LMTK3: variants seen among roughly 807,000 people sequenced by gnomAD.
LMTK3 encodes the protein lemur tail kinase 3.
Under a neutral mutation model 116.7 loss-of-function variants are expected in LMTK3, and 27 were observed. The ratio of observed to expected loss-of-function variants is 0.23; its 90% CI spans 0.17 to 0.32. LMTK3 has a LOEUF of 0.32. Ranked by LOEUF, LMTK3 falls within the 10% of genes least tolerant of loss-of-function variation. The pLI, the probability that LMTK3 is intolerant of heterozygous loss-of-function variation, is 1.00. For synonymous variants in LMTK3, 965 were observed against 971.0 expected, an observed-to-expected ratio of 0.99 and a Z score of 0.11; for missense variants, 1,764 against 2,068.5, an observed-to-expected ratio of 0.85 and a Z score of 2.86.
Position 48,503,003 on chromosome 19 carries a change from A to C in LMTK3, c.558-7T>G, listed in dbSNP as rs747960169. The C allele has an allele frequency of 5.0e-6, 8 of 1,602,292 alleles. No individual in the cohort carries two copies. The South Asian group carries it at 8.9e-5, about 18-fold the overall frequency. ...ATTGGGGTGCTGCAGGCTCCTGTGG[A>C]GTGAGGAGGTGGCTGAGTTGGGAAG... On this transcript the variant is annotated splice_region_variant and splice_polypyrimidine_tract_variant and intron_variant, in intron 5 of 14. Transcript: ENST00000600059.
At chr19:48,502,763 C>G (rs767941895) in intron 6 of LMTK3, 146 bp downstream of exon 6, 7 of 844,578 alleles carry the variant, frequency 8.3e-6, no homozygotes, top group Non-Finnish European at 1.3e-5. Context: ...GCCCCCAGGA[C>G]AGGCAGCACT....
intron 5 of LMTK3, among the ~76,000 whole-genome samples, chr19:48,507,093 T>G (rs1420603176): frequency 2.0e-5 from 3 of 152,178 alleles, no homozygotes; most frequent in African/African-American, 7.2e-5. Context: ...AAAGTGTTCA[T>G]GAAGCTCCTG....
In LMTK3 at chr19:48,499,291, C is replaced by A; in HGVS notation, c.1778G>T (p.Arg593Leu). 7.1e-7 allele frequency: 1 copy of A among 1,408,902 alleles called. No homozygotes were observed. The highest frequency in any genetic ancestry group is 9.3e-7 in the Non-Finnish European group (1 of 1,081,022). The allele number at this position is 1,408,902 out of a possible 1,614,324, so 87.3% of individuals were successfully genotyped here. A position where few individuals can be genotyped will look rare whatever the true frequency, so the allele number is the denominator to read the frequency against. The change falls in exon 11 of 15, where the codon CGG (arginine) becomes CTG (leucine). Residue 593 changes from arginine to leucine, a missense_variant. Physicochemically the swap from Arg to Leu is moderately radical, Grantham distance 102. Coordinates refer to ENST00000600059, the MANE Select transcript of LMTK3 (RefSeq NM_001388485.1). Reference sequence around the variant, plus strand: ...CGCTGAGGACTGGGCTGGGAAGGGCCGGGGCGCAGGGAAGAGGGGGGAGGC... The same window carrying A: ...CGCTGAGGACTGGGCTGGGAAGGGCAGGGGCGCAGGGAAGAGGGGGGAGGC... ...TWASPLFPAP[R>L]PFPAQSSASG... is the part of the protein sequence containing the mutation.
chr19:48,498,801 C>T lies in LMTK3; in HGVS notation c.2268G>A (p.Pro756=), dbSNP rs1021530442. 1.3e-5 allele frequency: 4 copies of T among 298,092 alleles called. No homozygotes were observed. Among genetic ancestry groups the T allele is most frequent in the Non-Finnish European group, 2.0e-5 (4 of 204,082 alleles). 18.5% of individuals were successfully genotyped at this position (298,092 alleles called of 1,614,324 possible). A position where few individuals can be genotyped will look rare whatever the true frequency, so the allele number is the denominator to read the frequency against. The change falls in exon 11 of 15, where the codon CCG becomes CCA. Residue 756 remains proline (P), a synonymous_variant. Coordinates refer to ENST00000600059, the MANE Select transcript of LMTK3 (RefSeq NM_001388485.1). ...CCGCGGGGGCCCGAGGAGGTGGCGG[C>T]GGGGGGGGGGGAGCGGGAGGTGGCC... ...GRGPPPAPPP[P]PPPPRAPADP... is the part of the protein sequence containing the mutation.
chr19:48,510,452 A>G lies in LMTK3; in HGVS notation c.210+7T>C. The G allele has an allele frequency of 3.8e-6, 6 of 1,592,314 alleles. No homozygotes were observed. The highest frequency in any genetic ancestry group is 5.1e-6 in the Non-Finnish European group (6 of 1,169,460). On this transcript the variant is annotated splice_region_variant and intron_variant, in intron 2 of 14. Transcript: ENST00000600059. ...CTCCCCAAGTTGAATCCCCTCATGCACCTCACCTTGAAGCCGACATCGCCC... is the reference window on the plus strand; with the variant it reads ...CTCCCCAAGTTGAATCCCCTCATGCGCCTCACCTTGAAGCCGACATCGCCC...
intron 14 of LMTK3, among the ~76,000 whole-genome samples, chr19:48,489,860 C>G (rs1343400430): frequency 3.9e-5 from 6 of 152,152 alleles, no homozygotes; most frequent in African/African-American, 1.4e-4. Context: ...TACCTTAGCT[C>G]TGATACCGGG....
chr19:48,485,640 G>T lies in LMTK3; in HGVS notation c.*133C>A. The T allele has an allele frequency of 1.0e-6, 1 of 982,618 alleles. No homozygotes were observed. The allele number at this position is 982,618 out of a possible 1,614,324, so 60.9% of individuals were successfully genotyped here. Reference sequence around the variant, plus strand: ...CGTTTGGCACATGGTAGGGGAGTGGGAGGGGGAGGGCCCAGCCTCGGGGGC... The same window carrying T: ...CGTTTGGCACATGGTAGGGGAGTGGTAGGGGGAGGGCCCAGCCTCGGGGGC... On this transcript the variant is annotated 3_prime_UTR_variant, in exon 15 of 15. Coordinates refer to ENST00000600059, the MANE Select transcript of LMTK3 (RefSeq NM_001388485.1).
Position 48,499,698 on chromosome 19 carries a change from G to T in LMTK3, c.1371C>A (p.Phe457Leu). The change falls in exon 11 of 15, where the codon TTC becomes TTA. Residue 457 changes from phenylalanine (F) to leucine (L), a missense_variant. Coordinates refer to ENST00000600059, the MANE Select transcript of LMTK3 (RefSeq NM_001388485.1). ...GCACATCGTCGGGGTCGGCTCCAGG[G>T]AAGCCATCCAGTAGGGGGAACGGTG... Reference protein sequence around the residue: ...LSSPFPLLDGFPGADPDDVLT... With the variant: ...LSSPFPLLDGLPGADPDDVLT... 1.3e-6 allele frequency: 2 copies of T among 1,528,380 alleles called. No individual in the cohort carries two copies. The highest frequency in any genetic ancestry group is 1.8e-6 in the Non-Finnish European group (2 of 1,135,974). 94.7% of individuals were successfully genotyped at this position (1,528,380 alleles called of 1,614,324 possible). A position where few individuals can be genotyped will look rare whatever the true frequency, so the allele number is the denominator to read the frequency against.
chr19:48,502,781 T>C (rs945471272), intron 6 of LMTK3, 128 bp downstream of exon 6: 4 of 861,794 alleles, frequency 4.6e-6, no homozygotes, highest in Non-Finnish European at 7.3e-6. Context: ...ACTCATGAAA[T>C]GTTAGCGCAT....
rs555771219 is a variant in LMTK3, at chr19:48,494,515, G to T, written c.3677-406C>A. On this transcript the variant is annotated intron_variant, in intron 11 of 14. Transcript: ENST00000600059. The surrounding 1 kb of genome is among the most constrained non-coding windows in gnomAD (Gnocchi z 4.0). Reference sequence around the variant, plus strand: ...CGGCTAATTTTTTGTATTTTTAGTAGAGACGGGGTTTCACCATGCTGGCCA... The same window carrying T: ...CGGCTAATTTTTTGTATTTTTAGTATAGACGGGGTTTCACCATGCTGGCCA... Among the ~76,000 whole-genome samples, 1 of 152,270 alleles carries T rather than the reference G, an allele frequency of 6.6e-6. No homozygotes were observed. The highest frequency in any genetic ancestry group is 1.9e-4 in the East Asian group (1 of 5,184).
intron 3 of LMTK3, 137 bp downstream of exon 3, chr19:48,509,886 A>T: frequency 1.1e-6 from 1 of 945,138 alleles, no homozygotes; most frequent in Non-Finnish European, 1.6e-6. Flanking sequence ...TGCTTCCAAG[A>T]TTCCAGCGCT....
At chr19:48,512,236 G>A (rs900158091), upstream of LMTK3, among the ~76,000 whole-genome samples, 2 of 152,100 alleles carry the variant, frequency 1.3e-5, no homozygotes, top group African/African-American at 4.8e-5. Context: ...ACAGCCATCA[G>A]CAGACGGGGA....
chr19:48,485,590 T>C lies in LMTK3; in HGVS notation c.*183A>G. The C allele has an allele frequency of 2.3e-6, 1 of 436,784 alleles. No homozygotes were observed. Among genetic ancestry groups the C allele is most frequent in the East Asian group, 3.8e-5 (1 of 25,990 alleles). 27.1% of individuals were successfully genotyped at this position (436,784 alleles called of 1,614,324 possible). On this transcript the variant is annotated 3_prime_UTR_variant, in exon 15 of 15. Transcript: ENST00000600059. ...GGGTCAGGGGAGCCATCTGGGGGGC[T>C]GGGGGGCGGGGGCCCGGGGCCTCCC...
intron 4 of LMTK3, 40 bp from the exon 5 acceptor site, chr19:48,509,009 C>T: frequency 7.2e-7 from 1 of 1,397,986 alleles, no homozygotes; most frequent in Non-Finnish European, 9.9e-7. Context: ...GTGCCGTTTC[C>T]CCAGCCCCGT....
intron 5 of LMTK3, 33 bp from the exon 6 acceptor site, chr19:48,503,029 G>T: frequency 1.5e-6 from 2 of 1,374,218 alleles, no homozygotes; most frequent in Non-Finnish European, 2.1e-6. Flanking sequence ...AGTTGGGAAG[G>T]CAGCCCCTTC....
chr19:48,488,020 G>T (rs988211110), intron 14 of LMTK3, among the ~76,000 whole-genome samples: 1 of 152,100 alleles, frequency 6.6e-6, no homozygotes. Flanking sequence ...TCAGCAGCTC[G>T]CAGCCCACGC....
At chr19:48,509,929 G>A (rs1342184388) in intron 3 of LMTK3, 94 bp downstream of exon 3, 71 of 1,428,552 alleles carry the variant, frequency 5.0e-5, no homozygotes, top group East Asian at 1.4e-4. Context: ...GCTGCCGCTG[G>A]TCTCAACCGC....
rs1464782496 is a variant in LMTK3 at position 48,485,641 on chromosome 19, AG to A, written c.*131del. On this transcript the variant is annotated 3_prime_UTR_variant, in exon 15 of 15. Transcript: ENST00000600059. ...GTTTGGCACATGGTAGGGGAGTGGGAGGGGGAGGGCCCAGCCTCGGGGGCCT... is the reference window on the plus strand; with the variant it reads ...GTTTGGCACATGGTAGGGGAGTGGGAGGGGAGGGCCCAGCCTCGGGGGCCT... 1.3e-6 allele frequency: 1 copy of A among 791,778 alleles called. No individual in the cohort carries two copies. 49.0% of individuals were successfully genotyped at this position (791,778 alleles called of 1,614,324 possible). A position where few individuals can be genotyped will look rare whatever the true frequency, so the allele number is the denominator to read the frequency against.
In LMTK3 at chr19:48,491,320, G is replaced by T; in HGVS notation, c.4229-75C>A. The T allele has an allele frequency of 2.1e-6, 1 of 479,730 alleles. No individual in the cohort carries two copies. Among genetic ancestry groups the T allele is most frequent in the Non-Finnish European group, 3.1e-6 (1 of 325,048 alleles). The allele number at this position is 479,730 out of a possible 1,614,324, so 29.7% of individuals were successfully genotyped here. A position where few individuals can be genotyped will look rare whatever the true frequency, so the allele number is the denominator to read the frequency against. On this transcript the variant is annotated intron_variant, in intron 13 of 14. Coordinates refer to ENST00000600059, the MANE Select transcript of LMTK3 (RefSeq NM_001388485.1). The surrounding 1 kb of genome is among the most constrained non-coding windows in gnomAD (Gnocchi z 5.1). Reference sequence around the variant, plus strand: ...CCCGCCCTCTGGTCCCGCCCCTCCCGACCAAGCCCCTCCCACCCCATAGAC... The same window carrying T: ...CCCGCCCTCTGGTCCCGCCCCTCCCTACCAAGCCCCTCCCACCCCATAGAC...
Sources: gnomAD v4.1 joint callset for allele counts (sites outside exome capture counted in the v4.1 genomes callset) on GRCh38, gnomAD v4.1.1 for gene constraint, Gnocchi (gnomAD v3.1) non-coding constraint, MANE v1.5 for transcripts, NCBI Gene and HGNC (gene_info 2026-07-23, HGNC 2026-07-21) for gene names.